The following CSMD1 variants were observed in gnomAD, a reference collection of about 807,000 sequenced individuals.
CSMD1 encodes the protein CUB and sushi domain-containing protein 1.
In CSMD1, 213 loss-of-function variants were observed where a neutral mutation model predicts 417.5. That is an observed-to-expected ratio of 0.51 (90% CI 0.46 to 0.57). The LOEUF (loss-of-function observed/expected upper bound fraction) is 0.57, where lower values mean the gene tolerates loss of function less well. Among genes scored for constraint, CSMD1 ranks in the 20% least tolerant of loss-of-function variants. The pLI is 0.00. For synonymous variants in CSMD1, 2,862 were observed against 1,736.8 expected (o/e 1.65, Z -16.11); for missense variants, 6,923 against 4,529.7 (o/e 1.53, Z -15.17).
At chr8:3,406,521 G>GAA (rs1392561226) in intron 14 of CSMD1, among the ~76,000 whole-genome samples, 1 of 152,114 alleles carries the variant, frequency 6.6e-6, no homozygotes, top group Non-Finnish European at 1.5e-5. Context: ...GTGGGTGGTA[G>GAA]AAAGTGTCTG....
At chr8:3,777,289 G>T (rs1007856180) in intron 5 of CSMD1, among the ~76,000 whole-genome samples, 3 of 152,086 alleles carry the variant, frequency 2.0e-5, no homozygotes, top group African/African-American at 7.2e-5. Flanking sequence ...ACAGTCCACA[G>T]TCAGTAAATA....
At position 2,938,345 on chromosome 8, in the gene CSMD1, T is replaced by C. The variant is rs1002211222; in HGVS notation, c.*240A>G. ...CTTCCTGGAGTGTGCCTTGATTTCA[T>C]ACAGATGCAGCCAGGCATTTAGAAC... is the stretch of plus-strand genomic sequence containing the variant. On this transcript the variant is annotated 3_prime_UTR_variant, in exon 70 of 70. Coordinates refer to ENST00000635120, the MANE Select transcript of CSMD1 (RefSeq NM_033225.6). 1 of 451,656 alleles carries C rather than the reference T, an allele frequency of 2.2e-6. No individual in the cohort carries two copies. The highest frequency in any genetic ancestry group is 4.9e-5 in the South Asian group (1 of 20,558). The allele number at this position is 451,656 out of a possible 1,614,324, so 28.0% of individuals were successfully genotyped here.
At chr8:4,076,069 C>T (rs1799806163) in intron 3 of CSMD1, among the ~76,000 whole-genome samples, 2 of 152,118 alleles carry the variant, frequency 1.3e-5, no homozygotes, top group Admixed American at 6.6e-5. Flanking sequence ...TGTGTCCCCA[C>T]CCAAATCTCA....
intron 2 of CSMD1, among the ~76,000 whole-genome samples, chr8:4,521,866 C>A (rs1245932664): frequency 6.6e-6 from 1 of 152,140 alleles, no homozygotes; most frequent in Non-Finnish European, 1.5e-5. Flanking sequence ...CGCTTTAGCT[C>A]CTGGGAAAAC....
intron 2 of CSMD1, among the ~76,000 whole-genome samples, chr8:4,484,926 TCG>T (rs1801290837): frequency 7.4e-6 from 1 of 135,000 alleles, no homozygotes; most frequent in Non-Finnish European, 1.5e-5. Context: ...TGAGCCGAGA[TCG>T]TGCCACTGCA....
chr8:3,056,220 T>C (rs979026600), intron 49 of CSMD1, among the ~76,000 whole-genome samples: 1 of 152,144 alleles, frequency 6.6e-6, no homozygotes, highest in African/African-American at 2.4e-5. Flanking sequence ...GTGTAACAGT[T>C]TGATTTCAAA....
chr8:3,099,011 G>A (rs759152876), intron 46 of CSMD1, among the ~76,000 whole-genome samples: 1 of 151,424 alleles, frequency 6.6e-6, no homozygotes, highest in African/African-American at 2.4e-5. Context: ...AAAGCTTCTC[G>A]GTACTGCCGA....
At chr8:4,597,399 T>C (rs73659133) in intron 2 of CSMD1, among the ~76,000 whole-genome samples, 4,827 of 152,236 alleles carry the variant, frequency 0.032, 128 homozygotes, top group African/African-American at 0.073. Context: ...TGACCAAGGT[T>C]AAATATCCAT....
intron 2 of CSMD1, among the ~76,000 whole-genome samples, chr8:4,604,551 A>T (rs1800769874): frequency 6.6e-6 from 1 of 151,998 alleles, no homozygotes. Flanking sequence ...GAACGCTTTT[A>T]TTTTTTTCTA....
intron 11 of CSMD1, among the ~76,000 whole-genome samples, chr8:3,476,478 T>C (rs1320173373): frequency 2.6e-5 from 4 of 152,206 alleles, no homozygotes; most frequent in East Asian, 1.9e-4. Flanking sequence ...GGCCATATGA[T>C]TGATGTATAT....
intron 2 of CSMD1, among the ~76,000 whole-genome samples, chr8:4,617,455 A>G (rs1241226362): frequency 6.6e-6 from 1 of 152,170 alleles, no homozygotes. Flanking sequence ...GGTAAGGCAA[A>G]TGCCTTGCCA....
At chr8:4,666,114 G>A (rs544899952) in intron 1 of CSMD1, among the ~76,000 whole-genome samples, 1 of 152,072 alleles carries the variant, frequency 6.6e-6, no homozygotes, top group African/African-American at 2.4e-5. Flanking sequence ...TGACTGGGGG[G>A]CGCTGAGCAT....
At chr8:3,401,875 G>A (rs1812059015) in intron 15 of CSMD1, among the ~76,000 whole-genome samples, 3 of 151,600 alleles carry the variant, frequency 2.0e-5, no homozygotes, top group African/African-American at 7.3e-5. Context: ...CATCAATCAT[G>A]TTCATACTCA....
intron 3 of CSMD1, among the ~76,000 whole-genome samples, chr8:4,034,908 T>C (rs1435227666): frequency 6.6e-6 from 1 of 152,190 alleles, no homozygotes; most frequent in South Asian, 2.1e-4. Flanking sequence ...ATAACCACAA[T>C]GACCAGTCAT....
At chr8:3,829,186 C>T (rs528212783) in intron 5 of CSMD1, among the ~76,000 whole-genome samples, 6 of 152,150 alleles carry the variant, frequency 3.9e-5, no homozygotes, top group African/African-American at 1.4e-4. Flanking sequence ...CCTCCTTTCA[C>T]TTTTCCCCCA....
At chr8:4,862,877 C>T (rs1802218238) in intron 1 of CSMD1, among the ~76,000 whole-genome samples, 1 of 151,976 alleles carries the variant, frequency 6.6e-6, no homozygotes, top group South Asian at 2.1e-4. Context: ...AAGTCAGGAA[C>T]ATGAGGAAGG....
chr8:3,861,374 T>C (rs1406152172), intron 5 of CSMD1, among the ~76,000 whole-genome samples: 1 of 152,226 alleles, frequency 6.6e-6, no homozygotes, highest in African/African-American at 2.4e-5. Flanking sequence ...ATGAGCTGTC[T>C]TAGCAGACAG....
chr8:4,735,883 G>A (rs891527462), intron 1 of CSMD1, among the ~76,000 whole-genome samples: 1 of 152,122 alleles, frequency 6.6e-6, no homozygotes, highest in African/African-American at 2.4e-5. Flanking sequence ...CATACAACAC[G>A]CTACTGCTTT....
intron 3 of CSMD1, among the ~76,000 whole-genome samples, chr8:4,199,386 T>C (rs1799521391): frequency 6.6e-6 from 1 of 152,162 alleles, no homozygotes; most frequent in Admixed American, 6.5e-5. Flanking sequence ...CATAGTGTGG[T>C]GGAGTGAAAA....
Sources: gnomAD v4.1 joint callset for allele counts (sites outside exome capture counted in the v4.1 genomes callset) on GRCh38, gnomAD v4.1.1 for gene constraint, MANE v1.5 for transcripts, NCBI Gene and HGNC (gene_info 2026-07-23, HGNC 2026-07-21) for gene names.